ATG13: variants seen among roughly 807,000 people sequenced by gnomAD.
ATG13 encodes autophagy-related protein 13.
Under a neutral mutation model 65.5 loss-of-function variants are expected in ATG13, and 23 were observed. That is an observed-to-expected ratio of 0.35 (90% confidence interval 0.25 to 0.50). The LOEUF is 0.50. ATG13 is among the 20% of genes least tolerant of loss of function. ATG13 has a pLI of 0.98. For missense variants in ATG13, 566 were observed against 677.0 expected (o/e 0.84, Z 1.82); for synonymous variants, 252 against 245.2 (o/e 1.03, Z -0.26).
chr11:46,656,359 G>A, intron 8 of ATG13, 86 bp downstream of exon 8: 1 of 1,370,346 alleles, frequency 7.3e-7, no homozygotes, highest in African/African-American at 1.5e-5. Context: ...GTTATAATAT[G>A]TAGATTGTCA....
intron 2 of ATG13, among the ~76,000 whole-genome samples, chr11:46,640,333 A>G (rs1301564121): frequency 6.6e-6 from 1 of 152,216 alleles, no homozygotes; most frequent in African/African-American, 2.4e-5. Flanking sequence ...CTGTTAGTAT[A>G]TTCAGTCTCT....
chr11:46,651,711 T>TC (rs1029221740), intron 7 of ATG13, among the ~76,000 whole-genome samples: 3 of 152,178 alleles, frequency 2.0e-5, no homozygotes, highest in Non-Finnish European at 4.4e-5. Flanking sequence ...AGTTGTCATT[T>TC]CCTTTAACTT....
intron 1 of ATG13, among the ~76,000 whole-genome samples, chr11:46,619,399 T>A (rs1027250906): frequency 7.4e-6 from 1 of 134,712 alleles, no homozygotes; most frequent in Non-Finnish European, 1.6e-5. Flanking sequence ...TTTTTTTTTT[T>A]TTGAGACGGA....
intron 5 of ATG13, among the ~76,000 whole-genome samples, chr11:46,648,048 C>T (rs2058082471): frequency 1.3e-5 from 2 of 152,250 alleles, no homozygotes; most frequent in Middle Eastern, 3.4e-3. Context: ...TTTGGAGCTA[C>T]ACAGAGCCAA....
intron 1 of ATG13, among the ~76,000 whole-genome samples, chr11:46,620,146 A>G (rs905896522): frequency 6.6e-6 from 1 of 151,160 alleles, no homozygotes; most frequent in African/African-American, 2.4e-5. Flanking sequence ...GCTGGAGGAC[A>G]GTGGCATGAT....
intron 2 of ATG13, among the ~76,000 whole-genome samples, chr11:46,639,534 T>C (rs1320993520): frequency 6.6e-6 from 1 of 152,136 alleles, no homozygotes; most frequent in Non-Finnish European, 1.5e-5. Context: ...ACAGGTCCAT[T>C]GTTCATTTCG....
intron 1 of ATG13, among the ~76,000 whole-genome samples, chr11:46,619,372 C>CTTTTATTTTTT (rs2046541660): frequency 2.8e-5 from 1 of 35,328 alleles, no homozygotes. Context: ...AGATTTCTTG[C>CTTTTATTTTTT]TTTTTTTTTT....
At chr11:46,649,007 G>A (rs998180936) in intron 5 of ATG13, 130 bp from the exon 6 acceptor site, 4 of 701,286 alleles carry the variant, frequency 5.7e-6, no homozygotes, top group Non-Finnish European at 8.9e-6. Context: ...GAAGAGGCTT[G>A]TTCGATTATA....
chr11:46,657,713 A>G, intron 10 of ATG13, 91 bp downstream of exon 10: 1 of 1,191,576 alleles, frequency 8.4e-7, no homozygotes, highest in Admixed American at 2.5e-5. Flanking sequence ...CTCAGCACTC[A>G]CTCTCCAGTG....
chr11:46,668,523 C>T lies in ATG13; in HGVS notation c.1276C>T (p.Pro426Ser). 6.2e-7 allele frequency: 1 copy of T among 1,614,166 alleles called. No homozygotes were observed. Among genetic ancestry groups the T allele is most frequent in the Non-Finnish European group, 8.5e-7 (1 of 1,180,014 alleles). Residue 426 changes from proline (P) to serine (S), a missense_variant, in exon 16 of 19, where the codon CCC becomes TCC. Pro to Ser is a moderately conservative substitution (Grantham distance 74, BLOSUM62 -1). This residue lies in a region of ATG13 where 387 missense variants were observed against 409.8 expected (regional missense o/e 0.94). Transcript: ENST00000683050. Reference protein sequence around the residue: ...NQVTLTSLDIPFAMFAPKNLE... With the variant: ...NQVTLTSLDISFAMFAPKNLE... ...GGTGACCCTGACGAGTTTGGATATACCCTTTGCCATGTTTGCTCCCAAGAA... is the reference window on the plus strand; with the variant it reads ...GGTGACCCTGACGAGTTTGGATATATCCTTTGCCATGTTTGCTCCCAAGAA...
At chr11:46,672,210 A>G in intron 18 of ATG13, 45 bp from the exon 19 acceptor site, 1 of 1,613,582 alleles carries the variant, frequency 6.2e-7, no homozygotes, top group South Asian at 1.1e-5. Context: ...TGCCTCCTCA[A>G]GGCCCTGCCT....
rs1159621916 is a variant in ATG13, at chr11:46,630,070, G to A, written c.-44G>A. The A allele has an allele frequency of 6.6e-6, 1 of 152,106 alleles. No homozygotes were observed. The highest frequency in any genetic ancestry group is 1.5e-5 in the Non-Finnish European group (1 of 68,066). 9.4% of individuals were successfully genotyped at this position (152,106 alleles called of 1,614,324 possible). On this transcript the variant is annotated 5_prime_UTR_variant, in exon 2 of 19. Coordinates refer to ENST00000683050, the MANE Select transcript of ATG13 (RefSeq NM_001346311.2). ...CATCTTGGACTCAAGTGATTCTCCT[G>A]CCTCAGCCTCCTGAGTAGCTGGGAC... is the stretch of plus-strand genomic sequence containing the variant.
intron 2 of ATG13, chr11:46,638,723 C>G (rs2054851733): frequency 6.6e-6 from 1 of 152,170 alleles, no homozygotes; most frequent in Admixed American, 6.6e-5. Context: ...ACATAATGCT[C>G]TCCAGGTTCA....
intron 1 of ATG13, among the ~76,000 whole-genome samples, chr11:46,619,372 CTTTTTTTTTTTTTT>C (rs746642470): frequency 4.8e-4 from 17 of 35,326 alleles, no homozygotes; most frequent in South Asian, 2.4e-3. Flanking sequence ...AGATTTCTTG[CTTTTTTTTTTTTTT>C]TTTTTTTTTT....
Position 46,617,589 on chromosome 11 carries a change from A to C in ATG13, c.-371A>C, listed in dbSNP as rs1167789429. 3 of 154,218 alleles carry C rather than the reference A, an allele frequency of 1.9e-5. No homozygotes were observed. Among genetic ancestry groups the C allele is most frequent in the Non-Finnish European group, 3.8e-5 (3 of 78,658 alleles). 9.6% of individuals were successfully genotyped at this position (154,218 alleles called of 1,614,324 possible). ...AAGCGGATGAAAACAAACACTAACG[A>C]TGGCGGCGCCGGGAAGCGACCGGCT... is the stretch of plus-strand genomic sequence containing the variant. On this transcript the variant is annotated 5_prime_UTR_variant, in exon 1 of 19. An upstream start codon of the reference 5' UTR is lost. Transcript: ENST00000683050.
intron 1 of ATG13, among the ~76,000 whole-genome samples, chr11:46,624,308 C>G (rs1305645028): frequency 2.6e-5 from 4 of 152,118 alleles, no homozygotes; most frequent in Non-Finnish European, 5.9e-5. Context: ...CAGCCAAATT[C>G]AGGAAATTTA....
chr11:46,671,427 C>T (rs1222242535), intron 18 of ATG13, among the ~76,000 whole-genome samples: 1 of 152,230 alleles, frequency 6.6e-6, no homozygotes, highest in Non-Finnish European at 1.5e-5. Context: ...CTCACCCCTT[C>T]CTCAGCTGGT....
chr11:46,621,431 A>G (rs2047470969), intron 1 of ATG13, among the ~76,000 whole-genome samples: 1 of 152,226 alleles, frequency 6.6e-6, no homozygotes, highest in Admixed American at 6.5e-5. Context: ...GTGTACTGGC[A>G]GCAGGCTGTG....
At chr11:46,618,820 TTTA>T (rs1187246905) in intron 1 of ATG13, among the ~76,000 whole-genome samples, 2 of 151,956 alleles carry the variant, frequency 1.3e-5, no homozygotes, top group African/African-American at 2.4e-5. Flanking sequence ...TTTTAAAATT[TTTA>T]TTATTATTAT....
Sources: gnomAD v4.1 joint callset for allele counts (sites outside exome capture counted in the v4.1 genomes callset) on GRCh38, gnomAD v4.1.1 for gene constraint, gnomAD v4.1.1 regional missense constraint, MANE v1.5 for transcripts, NCBI Gene and HGNC (gene_info 2026-07-23, HGNC 2026-07-21) for gene names.